DSCAM: variants seen among roughly 807,000 people sequenced by gnomAD.
DSCAM encodes the protein DS cell adhesion molecule, also known as cell adhesion molecule DSCAM.
A neutral mutation model predicts 217.7 loss-of-function variants in DSCAM; 47 were observed. That is an observed-to-expected ratio of 0.22 (90% CI 0.17 to 0.28). The LOEUF is 0.28. Ranked by LOEUF, DSCAM falls within the 10% of genes least tolerant of loss-of-function variation. The probability of loss-of-function intolerance (pLI) is 1.00; values close to 1 mark genes in which losing one functional copy is unlikely to be tolerated. For missense variants in DSCAM, 2,080 were observed against 2,618.3 expected, an observed-to-expected ratio of 0.79 and a Z score of 4.49; for synonymous variants, 1,056 against 1,015.3, an observed-to-expected ratio of 1.04 and a Z score of -0.76.
intron 19 of DSCAM, among the ~76,000 whole-genome samples, chr21:40,127,841 T>G (rs1289594645): frequency 6.6e-6 from 1 of 152,154 alleles, no homozygotes; most frequent in Non-Finnish European, 1.5e-5. Context: ...CTCCCCCTGA[T>G]CTGATGGTGC....
At chr21:40,207,082 A>C (rs1335322146) in intron 11 of DSCAM, among the ~76,000 whole-genome samples, 4 of 152,238 alleles carry the variant, frequency 2.6e-5, no homozygotes, top group African/African-American at 9.6e-5. Context: ...ATGCAAACAA[A>C]TAAATATGGA....
At chr21:40,534,393 T>C (rs979865022) in intron 3 of DSCAM, among the ~76,000 whole-genome samples, 1 of 152,194 alleles carries the variant, frequency 6.6e-6, no homozygotes, top group Non-Finnish European at 1.5e-5. Flanking sequence ...AAGTCAAGGT[T>C]TTACTTCCTC....
intron 11 of DSCAM, among the ~76,000 whole-genome samples, chr21:40,194,257 C>T (rs1396471119): frequency 2.0e-5 from 3 of 152,128 alleles, no homozygotes; most frequent in African/African-American, 4.8e-5. Context: ...CCCATGTTCT[C>T]CTATCCAGCT....
At chr21:40,802,394 G>A (rs1042847274) in intron 1 of DSCAM, among the ~76,000 whole-genome samples, 4 of 152,194 alleles carry the variant, frequency 2.6e-5, no homozygotes, top group Non-Finnish European at 4.4e-5. Flanking sequence ...TTCGACTTCC[G>A]AGTTGGTGTG....
In DSCAM at chr21:40,657,836, C is replaced by G. The variant is rs183569240; in HGVS notation, c.508+34974G>C. Among the ~76,000 whole-genome samples the G allele has an allele frequency of 4.7e-3, 716 of 152,094 alleles. 6 individuals carry two copies. Among genetic ancestry groups the G allele is most frequent in the African/African-American group, 0.016 (669 of 41,474 alleles). On this transcript the variant is annotated intron_variant, in intron 3 of 32. Coordinates refer to ENST00000400454, the MANE Select transcript of DSCAM (RefSeq NM_001389.5). ...GTACCTGAGGGTGGGGGAGGCATAC[C>G]AGGGAATGGAGAGTAAGGGACTGGA...
chr21:40,762,682 T>A (rs1017107408), intron 1 of DSCAM, among the ~76,000 whole-genome samples: 2 of 152,156 alleles, frequency 1.3e-5, no homozygotes, highest in Non-Finnish European at 2.9e-5. Context: ...CAGGCCGATA[T>A]CCCTGATGAA....
chr21:40,799,724 C>A (rs1012794964), intron 1 of DSCAM, among the ~76,000 whole-genome samples: 1 of 152,196 alleles, frequency 6.6e-6, no homozygotes, highest in Non-Finnish European at 1.5e-5. Flanking sequence ...ATCATCACAT[C>A]TTTTACTATC....
rs1327186397 is a variant in DSCAM at position 40,746,126 on chromosome 21, G to A, written c.44-37355C>T. ...AAAAATCTCTCAAGGAAAACAATAA[G>A]AGATGAAACAAGGTAGAAAGGATCT... On this transcript the variant is annotated intron_variant, in intron 1 of 32. Transcript: ENST00000400454. Among the ~76,000 whole-genome samples, 11 of 151,282 alleles carry A rather than the reference G, an allele frequency of 7.3e-5. No homozygotes were observed. In the East Asian group the frequency reaches 1.9e-3, roughly 27 times the overall value.
At chr21:40,572,085 GGT>G (rs10553285) in intron 3 of DSCAM, among the ~76,000 whole-genome samples, 25,704 of 148,402 alleles carry the variant, frequency 0.17, 2,223 homozygotes, top group African/African-American at 0.22. Flanking sequence ...TGTGTGTGTG[GGT>G]GTGTGTGTGT....
chr21:40,648,216 T>C (rs1262509010), intron 3 of DSCAM, among the ~76,000 whole-genome samples: 5 of 150,704 alleles, frequency 3.3e-5, no homozygotes, highest in African/African-American at 4.9e-5. Flanking sequence ...AATTAGTAAT[T>C]AAAAACTTTC....
chr21:40,029,998 TTGCGCACACACA>T (rs1379308624), intron 32 of DSCAM, among the ~76,000 whole-genome samples: 1 of 152,250 alleles, frequency 6.6e-6, no homozygotes, highest in Non-Finnish European at 1.5e-5. Flanking sequence ...ACACGTGTGC[TTGCGCACACACA>T]TGCGTGCACA....
intron 20 of DSCAM, among the ~76,000 whole-genome samples, chr21:40,104,386 T>G (rs939740243): frequency 3.9e-5 from 6 of 152,198 alleles, no homozygotes; most frequent in African/African-American, 1.4e-4. Context: ...AAAAATGATT[T>G]AAAGCCAATT....
At chr21:40,733,938 C>A (rs957806701) in intron 1 of DSCAM, among the ~76,000 whole-genome samples, 1 of 152,184 alleles carries the variant, frequency 6.6e-6, no homozygotes, top group African/African-American at 2.4e-5. Context: ...CACCTGACCC[C>A]TCTCTATATC....
chr21:40,622,322 T>A (rs971025172), intron 3 of DSCAM, among the ~76,000 whole-genome samples: 3 of 152,188 alleles, frequency 2.0e-5, no homozygotes, highest in African/African-American at 7.2e-5. Flanking sequence ...GCGCCACAAT[T>A]TCTAGACTCT....
intron 16 of DSCAM, among the ~76,000 whole-genome samples, chr21:40,166,722 C>T (rs1438511328): frequency 3.3e-5 from 5 of 152,156 alleles, no homozygotes; most frequent in Non-Finnish European, 7.3e-5. Context: ...GTAGCACTGC[C>T]CTGGGAGTCA....
At chr21:40,203,498 G>A (rs879619404) in intron 11 of DSCAM, among the ~76,000 whole-genome samples, 2 of 152,172 alleles carry the variant, frequency 1.3e-5, no homozygotes. Context: ...TTGTTTTCTA[G>A]TACCCTGCGT....
chr21:40,511,793 C>A (rs1369968842), intron 3 of DSCAM, among the ~76,000 whole-genome samples: 1 of 151,784 alleles, frequency 6.6e-6, no homozygotes, highest in Non-Finnish European at 1.5e-5. Flanking sequence ...AGATCGAGAC[C>A]ATTCTGGCTA....
At chr21:40,187,099 G>T in intron 14 of DSCAM, 32 bp downstream of exon 14, 1 of 1,610,056 alleles carries the variant, frequency 6.2e-7, no homozygotes, top group Non-Finnish European at 8.5e-7. Flanking sequence ...TTTCTGAGGT[G>T]GAAGGGAAGC....
intron 2 of DSCAM, among the ~76,000 whole-genome samples, chr21:40,698,469 A>G (rs1443744889): frequency 6.6e-6 from 1 of 152,178 alleles, no homozygotes; most frequent in Non-Finnish European, 1.5e-5. Flanking sequence ...ACTCCATAGT[A>G]CTCAATCAAT....
Sources: gnomAD v4.1 joint callset for allele counts (sites outside exome capture counted in the v4.1 genomes callset) on GRCh38, gnomAD v4.1.1 for gene constraint, MANE v1.5 for transcripts, NCBI Gene and HGNC (gene_info 2026-07-23, HGNC 2026-07-21) for gene names.